Variants in BCL10 observed in about 807,000 individuals in gnomAD.
BCL10 encodes BCL10 immune signaling adaptor, also known as B-cell lymphoma/leukemia 10.
Under a neutral mutation model 19.2 loss-of-function variants are expected in BCL10, and 5 were observed. That is an observed-to-expected ratio of 0.26 (90% confidence interval 0.14 to 0.55). The LOEUF (loss-of-function observed/expected upper bound fraction) is 0.55, where lower values mean the gene tolerates loss of function less well. Ranked by LOEUF, BCL10 falls within the 20% of genes least tolerant of loss-of-function variation. The pLI is 0.94. For synonymous variants in BCL10, 110 were observed against 98.8 expected, an observed-to-expected ratio of 1.11 and a Z score of -0.67; for missense variants, 201 against 271.9, an observed-to-expected ratio of 0.74 and a Z score of 1.83.
Position 85,276,587 on chromosome 1 carries a change from C to T in BCL10, c.-235G>A. On this transcript the variant is annotated 5_prime_UTR_variant, in exon 1 of 3. Coordinates refer to ENST00000648566, the MANE Select transcript of BCL10 (RefSeq NM_003921.5). The stretch of plus-strand genomic sequence containing the variant: ...CGAATCTACGCGACGCGACGCGGAG[C>T]TCGGAGCAGCGTTCCTTCCCTCTCG... 1.7e-6 allele frequency: 1 copy of T among 593,000 alleles called. No homozygotes were observed. The highest frequency in any genetic ancestry group is 3.0e-6 in the Non-Finnish European group (1 of 333,186). 36.7% of individuals were successfully genotyped at this position (593,000 alleles called of 1,614,324 possible). A position where few individuals can be genotyped will look rare whatever the true frequency, so the allele number is the denominator to read the frequency against.
In BCL10 at chr1:85,270,560, C is replaced by T. The variant is rs1465302440; in HGVS notation, c.346+58G>A. ...AAGTGCAGGCACCTGGCCTGCTCTGCATTTTTTAAAAGCATTATTACATTT... is the reference window on the plus strand; with the variant it reads ...AAGTGCAGGCACCTGGCCTGCTCTGTATTTTTTAAAAGCATTATTACATTT... On this transcript the variant is annotated intron_variant, in intron 2 of 2. Transcript: ENST00000648566. 7 of 1,508,570 alleles carry T rather than the reference C, an allele frequency of 4.6e-6. 1 individual carries two copies. Among genetic ancestry groups the T allele is most frequent in the Non-Finnish European group, 6.3e-6 (7 of 1,112,698 alleles). The allele number at this position is 1,508,570 out of a possible 1,614,324, so 93.4% of individuals were successfully genotyped here. A position where few individuals can be genotyped will look rare whatever the true frequency, so the allele number is the denominator to read the frequency against.
In BCL10 at chr1:85,267,884, C is replaced by T. The variant is rs1381387146; in HGVS notation, c.445G>A (p.Ala149Thr). 5.6e-6 allele frequency: 9 copies of T among 1,613,506 alleles called. No homozygotes were observed. The South Asian group carries it at 6.6e-5, about 12-fold the overall frequency. The change falls in exon 3 of 3, where the codon GCA becomes ACA. Residue 149 changes from alanine (A) to threonine (T), a missense_variant. Around this residue, in one of 3 missense-constraint regions of BCL10, gnomAD observed 126 missense variants for 136.6 expected, o/e 0.92. Coordinates refer to ENST00000648566, the MANE Select transcript of BCL10 (RefSeq NM_003921.5). ...TCTGGATGGTACATGACAGTGGATG[C>T]CCTCAGTTTTTCAGAGAAATTACTC... ...DESNFSEKLR[A>T]STVMYHPEGE...
Position 85,265,952 on chromosome 1 carries a change from C to G in BCL10, c.*1675G>C, listed in dbSNP as rs1322432733. ...TAAAGTCTGCTTCTGCTTTTTAAAG[C>G]ACCTTCCTTAAATGTAACCTATTTT... On this transcript the variant is annotated 3_prime_UTR_variant, in exon 3 of 3. Transcript: ENST00000648566. Among the ~76,000 whole-genome samples, 1 of 152,146 alleles carries G rather than the reference C, an allele frequency of 6.6e-6. No individual in the cohort carries two copies. Among genetic ancestry groups the G allele is most frequent in the Non-Finnish European group, 1.5e-5 (1 of 68,020 alleles).
rs376063909 is a variant in BCL10 at position 85,274,687 on chromosome 1, T to C, written c.57+1609A>G. The stretch of plus-strand genomic sequence containing the variant: ...GTAGGATATAAAAGTAGATTTCCAG[T>C]AGACATTTGGAAATAAGGACCTAGA... On this transcript the variant is annotated intron_variant, in intron 1 of 2. Coordinates refer to ENST00000648566, the MANE Select transcript of BCL10 (RefSeq NM_003921.5). Among the ~76,000 whole-genome samples the C allele has an allele frequency of 9.2e-5, 14 of 152,288 alleles. No homozygotes were observed. The South Asian group carries it at 2.9e-3, about 32-fold the overall frequency.
At chr1:85,276,234 T>C (rs1660524867) in intron 1 of BCL10, 62 bp downstream of exon 1, 2 of 1,585,776 alleles carry the variant, frequency 1.3e-6, no homozygotes, top group African/African-American at 2.7e-5. Context: ...AGGCTTCCGC[T>C]TTCGTCTCCC....
chr1:85,268,325 G>C (rs1660259486), intron 2 of BCL10, among the ~76,000 whole-genome samples: 1 of 151,912 alleles, frequency 6.6e-6, no homozygotes, highest in Non-Finnish European at 1.5e-5. Flanking sequence ...TAGTATTCTG[G>C]TACAAAAAAT....
At chr1:85,276,073 G>A (rs137896120) in intron 1 of BCL10, among the ~76,000 whole-genome samples, 1,635 of 152,360 alleles carry the variant, frequency 0.011, 24 homozygotes, top group African/African-American at 0.036. Context: ...CAAAGCCCAA[G>A]CTCTGCGTTT....
In BCL10 at chr1:85,267,597, C is replaced by G. The variant is rs763854798; in HGVS notation, c.*30G>C. The stretch of plus-strand genomic sequence containing the variant: ...TCATATTCTTTAAAACATTTTTTGT[C>G]ATCATTAAAAATTAAAAGGCAATAA... On this transcript the variant is annotated 3_prime_UTR_variant, in exon 3 of 3. Coordinates refer to ENST00000648566, the MANE Select transcript of BCL10 (RefSeq NM_003921.5). 2.7e-6 allele frequency: 4 copies of G among 1,499,882 alleles called. No individual in the cohort carries two copies. The highest frequency in any genetic ancestry group is 3.6e-6 in the Non-Finnish European group (4 of 1,114,914). 92.9% of individuals were successfully genotyped at this position (1,499,882 alleles called of 1,614,324 possible). A position where few individuals can be genotyped will look rare whatever the true frequency, so the allele number is the denominator to read the frequency against.
intron 2 of BCL10, among the ~76,000 whole-genome samples, chr1:85,269,743 T>C (rs1013551336): frequency 3.9e-5 from 6 of 152,172 alleles, no homozygotes; most frequent in Non-Finnish European, 5.9e-5. Flanking sequence ...AGGAGGGGGT[T>C]GGGGATTTAA....
In BCL10 at chr1:85,273,471, T is replaced by G. The variant is rs1454305584; in HGVS notation, c.58-2565A>C. Among the ~76,000 whole-genome samples the G allele has an allele frequency of 2.0e-5, 3 of 152,234 alleles. 1 individual carries two copies. In the East Asian group the frequency reaches 5.8e-4, roughly 29 times the overall value. On this transcript the variant is annotated intron_variant, in intron 1 of 2. Transcript: ENST00000648566. ...AATTCACTTTTTAAAATTCTTCTCT[T>G]TAAAGGGTTTTACACCATTTTTCTC...
chr1:85,267,751 G>A lies in BCL10; in HGVS notation c.578C>T (p.Pro193Leu), dbSNP rs943467000. 3 of 1,614,080 alleles carry A rather than the reference G, an allele frequency of 1.9e-6. No homozygotes were observed. Among genetic ancestry groups the A allele is most frequent in the Non-Finnish European group, 2.5e-6 (3 of 1,180,046 alleles). The change falls in exon 3 of 3, where the codon CCC becomes CTC. Residue 193 changes from proline to leucine, a missense_variant. This residue lies in a region of BCL10 where 126 missense variants were observed against 136.6 expected (regional missense o/e 0.92). Transcript: ENST00000648566. ...ENTIFSSTTLPRPGDPGAPPL... is the reference protein window; with the variant it reads ...ENTIFSSTTLLRPGDPGAPPL... ...AGGAGCCCCTGGGTCCCCAGGTCTG[G>A]GAAGTGTAGTTGAAGAGAAGATGGT...
At chr1:85,271,795 T>C (rs976770789) in intron 1 of BCL10, among the ~76,000 whole-genome samples, 3 of 152,204 alleles carry the variant, frequency 2.0e-5, no homozygotes, top group Non-Finnish European at 4.4e-5. Context: ...TATATGTTAG[T>C]AATAATGACA....
intron 1 of BCL10, 144 bp downstream of exon 1, chr1:85,276,152 C>G: frequency 1.0e-6 from 1 of 994,732 alleles, no homozygotes; most frequent in Non-Finnish European, 1.6e-6. Flanking sequence ...GGATGCAGGG[C>G]TCGCCACAGT....
chr1:85,269,927 G>A (rs537322404), intron 2 of BCL10, among the ~76,000 whole-genome samples: 6 of 152,294 alleles, frequency 3.9e-5, no homozygotes, highest in African/African-American at 1.4e-4. Flanking sequence ...ATAAACATAT[G>A]CCAATTACTT....
chr1:85,276,542 C>T lies in BCL10; in HGVS notation c.-190G>A, dbSNP rs1202150215. 7 of 626,096 alleles carry T rather than the reference C, an allele frequency of 1.1e-5. No individual in the cohort carries two copies. The highest frequency in any genetic ancestry group is 1.4e-5 in the Non-Finnish European group (5 of 360,646). The allele number at this position is 626,096 out of a possible 1,614,324, so 38.8% of individuals were successfully genotyped here. Reference sequence around the variant, plus strand: ...CAAACCGTAGCGCTTCCGGCCCCGCCTCTGAGGTCGACGGCGACGCGAATC... The same window carrying T: ...CAAACCGTAGCGCTTCCGGCCCCGCTTCTGAGGTCGACGGCGACGCGAATC... On this transcript the variant is annotated 5_prime_UTR_variant, in exon 1 of 3. Transcript: ENST00000648566.
rs1570341985 is a variant in BCL10, at chr1:85,276,617, G to C, written c.-265C>G. The C allele has an allele frequency of 1.8e-6, 1 of 560,810 alleles. No individual in the cohort carries two copies. The highest frequency in any genetic ancestry group is 3.2e-6 in the Non-Finnish European group (1 of 313,216). 34.7% of individuals were successfully genotyped at this position (560,810 alleles called of 1,614,324 possible). On this transcript the variant is annotated 5_prime_UTR_variant, in exon 1 of 3. Coordinates refer to ENST00000648566, the MANE Select transcript of BCL10 (RefSeq NM_003921.5). Reference sequence around the variant, plus strand: ...AGCAGCGTTCCTTCCCTCTCGTAGAGGCTCAGGCGCAGGCACCGCCCCACG... The same window carrying C: ...AGCAGCGTTCCTTCCCTCTCGTAGACGCTCAGGCGCAGGCACCGCCCCACG...
In BCL10 at chr1:85,276,314, G is replaced by T. The variant is rs750303514; in HGVS notation, c.39C>A (p.Leu13=). 1 of 1,613,448 alleles carries T rather than the reference G, an allele frequency of 6.2e-7. No homozygotes were observed. The highest frequency in any genetic ancestry group is 1.7e-5 in the Admixed American group (1 of 59,982). Residue 13 remains leucine, a synonymous_variant, in exon 1 of 3, where the codon CTC becomes CTA. Transcript: ENST00000648566. ...TACTCACGTCCTTCTTCACTTCAGTGAGGTCCTCCTCGGTGAGGGACGGTG... is the reference window on the plus strand; with the variant it reads ...TACTCACGTCCTTCTTCACTTCAGTTAGGTCCTCCTCGGTGAGGGACGGTG... ...PTAPSLTEED[L]TEVKKDALEN...
chr1:85,269,123 C>T (rs960806286), intron 2 of BCL10, among the ~76,000 whole-genome samples: 5 of 152,176 alleles, frequency 3.3e-5, no homozygotes, highest in Non-Finnish European at 2.9e-5. Context: ...ACACTCTTGC[C>T]CTCCCTTGCT....
chr1:85,273,162 T>C (rs1002651998), intron 1 of BCL10, among the ~76,000 whole-genome samples: 1 of 152,188 alleles, frequency 6.6e-6, no homozygotes, highest in African/African-American at 2.4e-5. Context: ...TTCATCTTTC[T>C]ATACACCAGG....
Sources: gnomAD v4.1 joint callset for allele counts (sites outside exome capture counted in the v4.1 genomes callset) on GRCh38, gnomAD v4.1.1 for gene constraint, gnomAD v4.1.1 regional missense constraint, MANE v1.5 for transcripts, NCBI Gene and HGNC (gene_info 2026-07-23, HGNC 2026-07-21) for gene names.